The following CREM variants were observed in gnomAD, a reference collection of about 807,000 sequenced individuals.
CREM encodes cAMP-responsive element modulator.
CREM carries 13 observed loss-of-function variants against 37.3 expected under a neutral mutation model. That is an observed-to-expected ratio of 0.35 (90% confidence interval 0.23 to 0.55). The LOEUF (loss-of-function observed/expected upper bound fraction) is 0.55. Among genes scored for constraint, CREM ranks in the 20% least tolerant of loss-of-function variants. The probability of loss-of-function intolerance (pLI) is 0.88; values close to 1 mark genes in which losing one functional copy is unlikely to be tolerated. For missense variants in CREM, 296 were observed against 362.3 expected (o/e 0.82, Z 1.49); for synonymous variants, 124 against 120.2 (o/e 1.03, Z -0.21).
At position 35,208,546 on chromosome 10, in the gene CREM, A is replaced by C. The variant is rs1303765492; in HGVS notation, c.755+1495A>C. Reference sequence around the variant, plus strand: ...AGTCCTAATGTCAAATAATGTCCTCATTGTGTGCAGCCAGGACAGAGATTC... The same window carrying C: ...AGTCCTAATGTCAAATAATGTCCTCCTTGTGTGCAGCCAGGACAGAGATTC... On this transcript the variant is annotated intron_variant, in intron 7 of 7. Transcript: ENST00000685392. 2.0e-5 allele frequency among the ~76,000 whole-genome samples: 3 copies of C among 152,188 alleles called. No homozygotes were observed. The East Asian group carries it at 5.8e-4, about 29-fold the overall frequency.
chr10:35,209,684 A>C (rs1178649501), intron 7 of CREM, among the ~76,000 whole-genome samples: 1 of 152,236 alleles, frequency 6.6e-6, no homozygotes, highest in Non-Finnish European at 1.5e-5. Context: ...TCTTCCTTCT[A>C]GGTCTAGAAT....
chr10:35,153,299 T>TA (rs1234075862), intron 3 of CREM, among the ~76,000 whole-genome samples: 3 of 152,192 alleles, frequency 2.0e-5, no homozygotes, highest in African/African-American at 7.2e-5. Flanking sequence ...CTCATCTATC[T>TA]TCTTTTTTTC....
chr10:35,158,812 G>GTTTT (rs1564838652), intron 3 of CREM, among the ~76,000 whole-genome samples: 1 of 65,212 alleles, frequency 1.5e-5, no homozygotes, highest in Non-Finnish European at 3.7e-5. Flanking sequence ...TTTTTTTGTT[G>GTTTT]TTTTGTTTGT....
intron 3 of CREM, among the ~76,000 whole-genome samples, chr10:35,173,334 G>A (rs767207574): frequency 1.3e-5 from 2 of 152,030 alleles, no homozygotes; most frequent in Non-Finnish European, 2.9e-5. Flanking sequence ...TTTCTAACAC[G>A]AGTCTTTGTG....
At chr10:35,206,260 AT>A (rs149440668) in intron 6 of CREM, among the ~76,000 whole-genome samples, 20,822 of 151,090 alleles carry the variant, frequency 0.14, 1,593 homozygotes, top group East Asian at 0.23. Context: ...AAAAAAAAAA[AT>A]ATGTGTGTGT....
At chr10:35,172,715 C>G (rs1002646876) in intron 3 of CREM, among the ~76,000 whole-genome samples, 2 of 152,050 alleles carry the variant, frequency 1.3e-5, no homozygotes, top group African/African-American at 4.8e-5. Flanking sequence ...AAGCACCCCC[C>G]CGCTGCGTCC....
chr10:35,153,307 T>G (rs2092705796), intron 3 of CREM, among the ~76,000 whole-genome samples: 1 of 152,222 alleles, frequency 6.6e-6, no homozygotes, highest in African/African-American at 2.4e-5. Flanking sequence ...TCTTCTTTTT[T>G]TCTTCTTGTC....
intron 1 of CREM, among the ~76,000 whole-genome samples, chr10:35,129,422 A>T (rs1486666979): frequency 6.6e-6 from 1 of 152,232 alleles, no homozygotes; most frequent in African/African-American, 2.4e-5. Flanking sequence ...GCTTAGGGTT[A>T]TGACCATTTC....
intron 1 of CREM, among the ~76,000 whole-genome samples, chr10:35,134,935 G>A (rs2135507549): frequency 6.6e-6 from 1 of 152,186 alleles, no homozygotes; most frequent in East Asian, 1.9e-4. Context: ...CTACTCAGGA[G>A]GCTGAGGCAT....
chr10:35,176,380 G>C (rs1436983674), intron 3 of CREM, among the ~76,000 whole-genome samples: 1 of 151,228 alleles, frequency 6.6e-6, no homozygotes, highest in African/African-American at 2.4e-5. Context: ...AAAGATTATA[G>C]TGCTGATGCT....
chr10:35,168,334 A>G (rs1395579198), intron 3 of CREM, among the ~76,000 whole-genome samples: 2 of 152,126 alleles, frequency 1.3e-5, no homozygotes, highest in East Asian at 3.9e-4. Context: ...TTAGATTTGC[A>G]TTTCTCTGAT....
At chr10:35,209,259 T>A in intron 7 of CREM, 1 of 939,450 alleles carries the variant, frequency 1.1e-6, no homozygotes, top group Non-Finnish European at 1.3e-6. Context: ...ATAATCGATA[T>A]CTCATTATAT....
chr10:35,147,876 G>A (rs942853588), intron 2 of CREM, among the ~76,000 whole-genome samples: 1 of 152,124 alleles, frequency 6.6e-6, no homozygotes, highest in Non-Finnish European at 1.5e-5. Context: ...GAGAGAGTTA[G>A]GACTCTACTA....
intron 3 of CREM, chr10:35,167,760 G>T: frequency 1.2e-6 from 2 of 1,614,010 alleles, no homozygotes; most frequent in Non-Finnish European, 1.7e-6. Flanking sequence ...TGTTTCAGGC[G>T]TCCTATAGAA....
At chr10:35,204,970 T>C (rs941157274) in intron 6 of CREM, among the ~76,000 whole-genome samples, 1 of 152,254 alleles carries the variant, frequency 6.6e-6, no homozygotes, top group Non-Finnish European at 1.5e-5. Flanking sequence ...AATGCTGTGT[T>C]TTCCTCTTTT....
chr10:35,211,750 A>C lies in CREM; in HGVS notation c.*352A>C. On this transcript the variant is annotated 3_prime_UTR_variant, in exon 8 of 8. Coordinates refer to ENST00000685392, the MANE Select transcript of CREM (RefSeq NM_183011.2). ...GCTGGAAGTCCAGAACAAGAAGCTTATAGAGGAACTTGAAACCTTGAAAGA... is the reference window on the plus strand; with the variant it reads ...GCTGGAAGTCCAGAACAAGAAGCTTCTAGAGGAACTTGAAACCTTGAAAGA... 6.2e-7 allele frequency: 1 copy of C among 1,614,012 alleles called. No individual in the cohort carries two copies. Among genetic ancestry groups the C allele is most frequent in the East Asian group, 2.2e-5 (1 of 44,890 alleles).
intron 3 of CREM, among the ~76,000 whole-genome samples, chr10:35,163,089 C>T (rs976150229): frequency 6.6e-6 from 1 of 151,838 alleles, no homozygotes; most frequent in East Asian, 1.9e-4. Flanking sequence ...GCCTGTAGTG[C>T]TATCTACTCA....
rs760608530 is a variant in CREM at position 35,178,971 on chromosome 10, G to A, written c.251G>A (p.Arg84Gln). ...CATAAACGTAGAGAAATCCTTTCAC[G>A]AAGACCCTCTTATAGGTAAGTTAAC... ...DSHKRREILS[R>Q]RPSYRKILNE... Residue 84 changes from arginine (R) to glutamine (Q), a missense_variant, in exon 4 of 8, where the codon CGA (arginine) becomes CAA (glutamine). Arg to Gln is a conservative substitution (Grantham distance 43, BLOSUM62 1). Around this residue, in one of 2 missense-constraint regions of CREM, gnomAD observed 257 missense variants for 280.2 expected, o/e 0.92. Coordinates refer to ENST00000685392, the MANE Select transcript of CREM (RefSeq NM_183011.2). 16 of 1,610,990 alleles carry A rather than the reference G, an allele frequency of 9.9e-6. No individual in the cohort carries two copies. Among genetic ancestry groups the A allele is most frequent in the African/African-American group, 1.3e-5 (1 of 74,722 alleles).
chr10:35,198,019 T>C (rs2095264138), intron 6 of CREM, among the ~76,000 whole-genome samples: 1 of 152,190 alleles, frequency 6.6e-6, no homozygotes, highest in Non-Finnish European at 1.5e-5. Context: ...TTCTTATCCT[T>C]ACAAAATATG....
Sources: allele counts gnomAD v4.1 joint callset (sites outside exome capture counted in the v4.1 genomes callset), GRCh38; gene constraint gnomAD v4.1.1; regional missense constraint gnomAD v4.1.1; transcripts MANE v1.5; gene names NCBI Gene and HGNC (gene_info 2026-07-23, HGNC 2026-07-21).